Variants in BEND3 observed in about 807,000 individuals in gnomAD.
The protein encoded by BEND3 is BEN domain-containing protein 3.
BEND3 carries 13 observed loss-of-function variants against 60.1 expected under a neutral mutation model. The ratio of observed to expected loss-of-function variants is 0.22; its 90% CI spans 0.14 to 0.34. The LOEUF (loss-of-function observed/expected upper bound fraction) is 0.34. BEND3 is among the 10% of genes least tolerant of loss of function. BEND3 has a pLI of 1.00. For missense variants in BEND3, 896 were observed against 1,138.1 expected, an observed-to-expected ratio of 0.79 and a Z score of 3.06; for synonymous variants, 497 against 491.5, an observed-to-expected ratio of 1.01 and a Z score of -0.15.
At chr6:107,108,854 G>A (rs311208) in intron 1 of BEND3, among the ~76,000 whole-genome samples, 1,769 of 152,278 alleles carry the variant, frequency 0.012, 34 homozygotes, top group African/African-American at 0.04. Context: ...TGCCCAGGAT[G>A]GAGTGCAGTG....
chr6:107,114,144 G>A (rs1770197056), intron 1 of BEND3: 2 of 152,382 alleles, frequency 1.3e-5, no homozygotes, highest in Non-Finnish European at 2.9e-5. Context: ...GGGAGACGTA[G>A]GTAAACAAGC....
At chr6:107,090,575 TGTG>T (rs1400071665) in intron 3 of BEND3, among the ~76,000 whole-genome samples, 1 of 152,170 alleles carries the variant, frequency 6.6e-6, no homozygotes, top group Non-Finnish European at 1.5e-5. Flanking sequence ...TATATATGCT[TGTG>T]TGTGTGCACG....
chr6:107,099,274 A>AGTT lies in BEND3; in HGVS notation c.9_11dup (p.Thr4dup), dbSNP rs782348093. On this transcript the variant is annotated inframe_insertion, in exon 2 of 4. Transcript: ENST00000369042. ...CTTCTTCTACATCTTCGGTGAATTC[A>AGTT]GTTGAGTTCATCTTCTATTCCGCTA... 1 of 1,611,168 alleles carries AGTT rather than the reference A, an allele frequency of 6.2e-7. No individual in the cohort carries two copies. Among genetic ancestry groups the AGTT allele is most frequent in the African/African-American group, 1.3e-5 (1 of 74,784 alleles).
intron 3 of BEND3, among the ~76,000 whole-genome samples, chr6:107,097,790 CA>C (rs10674719): frequency 0.011 from 605 of 53,342 alleles, 1 homozygote; most frequent in African/African-American, 0.035. Flanking sequence ...AACTCCGTCT[CA>C]AAAAAAAAAA....
chr6:107,108,590 G>C (rs1404599123), intron 1 of BEND3, among the ~76,000 whole-genome samples: 1 of 151,940 alleles, frequency 6.6e-6, no homozygotes, highest in Non-Finnish European at 1.5e-5. Flanking sequence ...GGTGTATACT[G>C]CACCCCCAAT....
At chr6:107,084,216 G>C (rs1775293164) in intron 3 of BEND3, among the ~76,000 whole-genome samples, 1 of 152,222 alleles carries the variant, frequency 6.6e-6, no homozygotes, top group Admixed American at 6.5e-5. Flanking sequence ...ACCAGCACTA[G>C]GGCAGGGAAA....
chr6:107,112,206 C>A (rs1416162385), intron 1 of BEND3, among the ~76,000 whole-genome samples: 7 of 152,074 alleles, frequency 4.6e-5, no homozygotes, highest in African/African-American at 1.4e-4. Flanking sequence ...ACTTTCTAGG[C>A]AGCGCTAAAA....
chr6:107,085,080 G>A (rs1271174901), intron 3 of BEND3, among the ~76,000 whole-genome samples: 12 of 152,132 alleles, frequency 7.9e-5, no homozygotes, highest in African/African-American at 2.7e-4. Context: ...GCGAGACCAC[G>A]AACCCACTGG....
chr6:107,111,852 C>T (rs1770101535), intron 1 of BEND3, among the ~76,000 whole-genome samples: 1 of 151,848 alleles, frequency 6.6e-6, no homozygotes, highest in African/African-American at 2.4e-5. Flanking sequence ...TGTGGTGCCA[C>T]GCACCTGTAA....
At chr6:107,072,137 G>A (rs940358788) in intron 3 of BEND3, among the ~76,000 whole-genome samples, 6 of 152,152 alleles carry the variant, frequency 3.9e-5, no homozygotes, top group African/African-American at 1.2e-4. Flanking sequence ...GGTGGGTGTC[G>A]GGGGAGCAGG....
intron 3 of BEND3, among the ~76,000 whole-genome samples, chr6:107,089,446 C>T (rs1347115332): frequency 6.6e-6 from 1 of 151,360 alleles, no homozygotes; most frequent in Admixed American, 6.6e-5. Flanking sequence ...ATTAGCCCAG[C>T]ATGGTGACGG....
chr6:107,069,003 C>T lies in BEND3; in HGVS notation c.2188G>A (p.Val730Met). 1.2e-6 allele frequency: 2 copies of T among 1,613,772 alleles called. No homozygotes were observed. Among genetic ancestry groups the T allele is most frequent in the Non-Finnish European group, 1.7e-6 (2 of 1,180,008 alleles). Residue 730 changes from valine (V) to methionine (M), a missense_variant, in exon 4 of 4, where the codon GTG (valine) becomes ATG (methionine). Val to Met is a conservative substitution (Grantham distance 21). Coordinates refer to ENST00000369042, the MANE Select transcript of BEND3 (RefSeq NM_001367314.1). ...TTGCCCACGGAGAGGCTCTGCTGCA[C>T]GATCTCACGCACCTCCTTGTCAGAC... is the stretch of plus-strand genomic sequence containing the variant. ...LLSDKEVREI[V>M]QQSLSVGNFA...
At chr6:107,090,788 A>G (rs551962529) in intron 3 of BEND3, among the ~76,000 whole-genome samples, 14 of 152,158 alleles carry the variant, frequency 9.2e-5, no homozygotes. Context: ...AAAATATTTA[A>G]GAAAAAAGTA....
At position 107,069,550 on chromosome 6, in the gene BEND3, C is replaced by G; in HGVS notation, c.1641G>C (p.Glu547Asp). 1.9e-6 allele frequency: 3 copies of G among 1,613,236 alleles called. No homozygotes were observed. The highest frequency in any genetic ancestry group is 2.5e-6 in the Non-Finnish European group (3 of 1,180,028). ...TGAGCAGGCAGTCGGCACCGGGCAC[C>G]TCGAAGTCAGGCTGGGGGATCTCTA... Reference protein sequence around the residue: ...DKLEIPQPDFEVPGADCLLSK... With the variant: ...DKLEIPQPDFDVPGADCLLSK... Residue 547 changes from glutamate (E) to aspartate (D), a missense_variant, in exon 4 of 4, where the codon GAG becomes GAC. Transcript: ENST00000369042.
At chr6:107,094,809 T>A (rs1480487338) in intron 3 of BEND3, among the ~76,000 whole-genome samples, 2 of 138,420 alleles carry the variant, frequency 1.4e-5, no homozygotes, top group African/African-American at 5.3e-5. Context: ...GAGCTGACTA[T>A]GTCACTGCCT....
rs148292140 is a variant in BEND3 at position 107,095,267 on chromosome 6, G to C, written c.240+3284C>G. On this transcript the variant is annotated intron_variant, in intron 3 of 3. Transcript: ENST00000369042. Reference sequence around the variant, plus strand: ...TTTGGGAGGCTGAGGCAAGAGGATCGCTTGAGGCCAGGAGGTCAAGAATAG... The same window carrying C: ...TTTGGGAGGCTGAGGCAAGAGGATCCCTTGAGGCCAGGAGGTCAAGAATAG... 3.7e-4 allele frequency among the ~76,000 whole-genome samples: 56 copies of C among 152,184 alleles called. 1 individual carries two copies. In the East Asian group the frequency reaches 0.01, roughly 27 times the overall value.
chr6:107,092,294 T>A (rs562665417), intron 3 of BEND3, among the ~76,000 whole-genome samples: 1 of 151,588 alleles, frequency 6.6e-6, no homozygotes, highest in South Asian at 2.1e-4. Context: ...CCAACTTAGA[T>A]TTATCCTAGA....
chr6:107,087,607 C>A (rs1325789362), intron 3 of BEND3, among the ~76,000 whole-genome samples: 1 of 150,378 alleles, frequency 6.6e-6, no homozygotes. Context: ...CATGGTGGCA[C>A]GCACCTGTAA....
intron 3 of BEND3, among the ~76,000 whole-genome samples, chr6:107,088,737 C>T (rs9373916): frequency 0.36 from 55,336 of 152,080 alleles, 10,770 homozygotes; most frequent in Non-Finnish European, 0.44. Flanking sequence ...AAACAACATA[C>T]AAAAACCAGG....
Sources: gnomAD v4.1 joint callset for allele counts (sites outside exome capture counted in the v4.1 genomes callset) on GRCh38, gnomAD v4.1.1 for gene constraint, MANE v1.5 for transcripts, NCBI Gene and HGNC (gene_info 2026-07-23, HGNC 2026-07-21) for gene names.